NPFFR1: variants seen among roughly 807,000 people sequenced by gnomAD.
NPFFR1 encodes the protein neuropeptide FF receptor 1.
In NPFFR1, 17 loss-of-function variants were observed where a neutral mutation model predicts 12.7. That is an observed-to-expected ratio of 1.34 (90% CI 0.92 to 2.01). NPFFR1 has a LOEUF of 2.01. Among genes scored for constraint, NPFFR1 ranks in the 30% most tolerant of loss-of-function variants. The pLI, the probability that NPFFR1 is intolerant of heterozygous loss-of-function variation, is 0.00. For missense variants in NPFFR1, 604 were observed against 606.5 expected (o/e 1.00, Z 0.04); for synonymous variants, 296 against 264.5 (o/e 1.12, Z -1.16).
In NPFFR1 at chr10:70,248,617, C is replaced by G. The variant is rs1840479769; in HGVS notation, c.*6340G>C. ...TCCCCTCCCTCAGCCTCCCAAGTAG[C>G]TGGGATTACAGGTGCCTGCCATCAT... On this transcript the variant is annotated 3_prime_UTR_variant, in exon 4 of 4. Coordinates refer to ENST00000277942, the MANE Select transcript of NPFFR1 (RefSeq NM_022146.5). 6.6e-6 allele frequency: 1 copy of G among 151,612 alleles called. No homozygotes were observed. The highest frequency in any genetic ancestry group is 2.4e-5 in the African/African-American group (1 of 41,158). 9.4% of individuals were successfully genotyped at this position (151,612 alleles called of 1,614,324 possible). A position where few individuals can be genotyped will look rare whatever the true frequency, so the allele number is the denominator to read the frequency against.
intron 1 of NPFFR1, 50 bp downstream of exon 1, chr10:70,283,620 G>A (rs747247885): frequency 6.6e-7 from 1 of 1,514,130 alleles, no homozygotes; most frequent in Non-Finnish European, 8.9e-7. Flanking sequence ...CCCATGCCCC[G>A]GAGTCGGTAC....
In NPFFR1 at chr10:70,255,638, C is replaced by A; in HGVS notation, c.612G>T (p.Trp204Cys). The A allele has an allele frequency of 6.3e-7, 1 of 1,587,624 alleles. No homozygotes were observed. Among genetic ancestry groups the A allele is most frequent in the East Asian group, 2.3e-5 (1 of 43,660 alleles). ...GCATGCCCTTCTCGGGCCAGGCCTC[C>A]CAGCAGGAGTAGAGCGGGTAGGAGC... ...RNRSYPLYSC[W>C]EAWPEKGMRR... Residue 204 changes from tryptophan (W) to cysteine (C), a missense_variant, in exon 4 of 4, where the codon TGG becomes TGT. By Grantham distance (215) the Trp-to-Cys change is radical. Coordinates refer to ENST00000277942, the MANE Select transcript of NPFFR1 (RefSeq NM_022146.5). This position sits in a 1 kb window ranked among gnomAD's most constrained non-coding sequence, Gnocchi z 4.2.
intron 3 of NPFFR1, among the ~76,000 whole-genome samples, chr10:70,256,028 C>A (rs1401001594): frequency 6.6e-6 from 1 of 150,754 alleles, no homozygotes; most frequent in Non-Finnish European, 1.5e-5. Context: ...AACCGCAGAT[C>A]GTGTGGGAAC....
Position 70,254,483 on chromosome 10 carries a change from G to T in NPFFR1, c.*474C>A, listed in dbSNP as rs11818439. On this transcript the variant is annotated 3_prime_UTR_variant, in exon 4 of 4. Coordinates refer to ENST00000277942, the MANE Select transcript of NPFFR1 (RefSeq NM_022146.5). Reference sequence around the variant, plus strand: ...AAGGGACAGGCCGGCTTTGCTTTTCGCTTCTTCCTAGCTGCCTAATTAGGA... The same window carrying T: ...AAGGGACAGGCCGGCTTTGCTTTTCTCTTCTTCCTAGCTGCCTAATTAGGA... 6.5e-6 allele frequency: 1 copy of T among 154,976 alleles called. No homozygotes were observed. The highest frequency in any genetic ancestry group is 1.4e-5 in the Non-Finnish European group (1 of 70,042). 9.6% of individuals were successfully genotyped at this position (154,976 alleles called of 1,614,324 possible). A position where few individuals can be genotyped will look rare whatever the true frequency, so the allele number is the denominator to read the frequency against.
At chr10:70,283,393 A>T (rs972205377) in intron 1 of NPFFR1, among the ~76,000 whole-genome samples, 1 of 150,178 alleles carries the variant, frequency 6.7e-6, no homozygotes, top group Non-Finnish European at 1.5e-5. Flanking sequence ...ATGAATACAG[A>T]GCACCCCCAG....
At chr10:70,268,383 T>C (rs1174948139) in intron 1 of NPFFR1, among the ~76,000 whole-genome samples, 1 of 152,226 alleles carries the variant, frequency 6.6e-6, no homozygotes, top group Non-Finnish European at 1.5e-5. Flanking sequence ...TGTTTCATAA[T>C]TTTTTAAATA....
At chr10:70,270,599 T>C (rs918964114) in intron 1 of NPFFR1, among the ~76,000 whole-genome samples, 16 of 152,152 alleles carry the variant, frequency 1.1e-4, no homozygotes, top group African/African-American at 3.9e-4. Context: ...TGGGCATCAT[T>C]TCTAGACAGG....
rs1554833975 is a variant in NPFFR1 at position 70,283,132 on chromosome 10, T to TGTGTG, written c.7+537_7+538insCACAC. 1.1e-3 allele frequency among the ~76,000 whole-genome samples: 163 copies of TGTGTG among 149,660 alleles called. 1 individual carries two copies. The highest frequency in any genetic ancestry group is 3.0e-3 in the African/African-American group (124 of 40,920). On this transcript the variant is annotated intron_variant, in intron 1 of 3. Transcript: ENST00000277942. ...CACACACAACAGGGACTCTCTCTTT[T>TGTGTG]TGTGTGTGTGTGTGTGTGTGTCTTG...
chr10:70,268,437 A>G (rs995674429), intron 1 of NPFFR1, among the ~76,000 whole-genome samples: 2 of 152,272 alleles, frequency 1.3e-5, no homozygotes, highest in African/African-American at 4.8e-5. Context: ...TTCTGTTTCT[A>G]TTACCTATTA....
Position 70,266,206 on chromosome 10 carries a change from A to G in NPFFR1, c.193T>C (p.Cys65Arg). Residue 65 changes from cysteine (C) to arginine (R), a missense_variant, in exon 2 of 4, where the codon TGT becomes CGT. Cys to Arg is a radical substitution (Grantham distance 180). Transcript: ENST00000277942. ...TGCCGGTTCTTGAGCACGATGAAACAGACCAGGGTGTTGCCCACCATGCAG... is the reference window on the plus strand; with the variant it reads ...TGCCGGTTCTTGAGCACGATGAAACGGACCAGGGTGTTGCCCACCATGCAG... ...LLCMVGNTLV[C>R]FIVLKNRHMH... The G allele has an allele frequency of 6.2e-7, 1 of 1,614,064 alleles. No individual in the cohort carries two copies. The highest frequency in any genetic ancestry group is 8.5e-7 in the Non-Finnish European group (1 of 1,179,894).
In NPFFR1 at chr10:70,255,823, G is replaced by A; in HGVS notation, c.427C>T (p.Arg143Cys). Residue 143 changes from arginine to cysteine, a missense_variant, in exon 4 of 4, where the codon CGC becomes TGC. Transcript: ENST00000277942. The surrounding 1 kb of genome is among the most constrained non-coding windows in gnomAD (Gnocchi z 4.2). Reference sequence around the variant, plus strand: ...TCGCGGAAAGGGTGCACGATGCAGCGGAACCTGCCGCGGGGAGAGAGACAG... The same window carrying A: ...TCGCGGAAAGGGTGCACGATGCAGCAGAACCTGCCGCGGGGAGAGAGACAG... ...TLVAIAVERFRCIVHPFREKL... is the reference protein window; with the variant it reads ...TLVAIAVERFCCIVHPFREKL... The A allele has an allele frequency of 6.2e-7, 1 of 1,605,080 alleles. No homozygotes were observed. The highest frequency in any genetic ancestry group is 1.1e-5 in the South Asian group (1 of 89,458).
chr10:70,256,327 C>T (rs533062711), intron 3 of NPFFR1, among the ~76,000 whole-genome samples: 42 of 152,348 alleles, frequency 2.8e-4, no homozygotes, highest in African/African-American at 9.1e-4. Context: ...AGCTATCCTC[C>T]GGCCTCGGCC....
chr10:70,262,363 C>T (rs1451185516), intron 2 of NPFFR1, among the ~76,000 whole-genome samples: 1 of 152,104 alleles, frequency 6.6e-6, no homozygotes, highest in Non-Finnish European at 1.5e-5. Context: ...AGAAGGAACA[C>T]ACGAACTGGA....
chr10:70,265,660 A>G (rs1840682770), intron 2 of NPFFR1, among the ~76,000 whole-genome samples: 1 of 152,180 alleles, frequency 6.6e-6, no homozygotes, highest in Non-Finnish European at 1.5e-5. Context: ...TCCGTGAGAG[A>G]GTGGGACTGA....
At chr10:70,281,108 C>T (rs1840857096) in intron 1 of NPFFR1, among the ~76,000 whole-genome samples, 1 of 152,224 alleles carries the variant, frequency 6.6e-6, no homozygotes, top group Non-Finnish European at 1.5e-5. Context: ...GTGATGCTCT[C>T]TGCCTGCCAC....
chr10:70,259,880 T>A (rs1464564477), intron 3 of NPFFR1, among the ~76,000 whole-genome samples: 1 of 152,198 alleles, frequency 6.6e-6, no homozygotes, highest in Non-Finnish European at 1.5e-5. Flanking sequence ...CTCAGAGTAG[T>A]TAGGTGACCC....
chr10:70,265,981 AATG>A, intron 2 of NPFFR1, 93 bp downstream of exon 2: 2 of 1,199,430 alleles, frequency 1.7e-6, no homozygotes, highest in Middle Eastern at 5.7e-4. Context: ...CCAGCCCAGC[AATG>A]ATATCTGTCT....
chr10:70,257,230 T>A (rs1840581555), intron 3 of NPFFR1, among the ~76,000 whole-genome samples: 1 of 152,108 alleles, frequency 6.6e-6, no homozygotes, highest in South Asian at 2.1e-4. Context: ...TTATTGTGTC[T>A]GTGTAGAAAG....
At chr10:70,280,289 G>A (rs1840846597) in intron 1 of NPFFR1, among the ~76,000 whole-genome samples, 1 of 152,132 alleles carries the variant, frequency 6.6e-6, no homozygotes, top group Non-Finnish European at 1.5e-5. Flanking sequence ...TTAGCTTTTT[G>A]AGGAACCTCC....
Sources: gnomAD v4.1 joint callset for allele counts (sites outside exome capture counted in the v4.1 genomes callset) on GRCh38, gnomAD v4.1.1 for gene constraint, Gnocchi (gnomAD v3.1) non-coding constraint, MANE v1.5 for transcripts, NCBI Gene and HGNC (gene_info 2026-07-23, HGNC 2026-07-21) for gene names.